ZC3H12D: variants seen among roughly 807,000 people sequenced by gnomAD.
ZC3H12D encodes zinc finger CCCH-type containing 12D, also known as probable ribonuclease ZC3H12D.
A neutral mutation model predicts 24.2 loss-of-function variants in ZC3H12D; 11 were observed. The ratio of observed to expected loss-of-function variants is 0.46; its 90% CI spans 0.29 to 0.75. ZC3H12D has a LOEUF of 0.75. Ranked by LOEUF, ZC3H12D falls within the 30% of genes least tolerant of loss-of-function variation. The pLI is 0.11. For missense variants in ZC3H12D, 740 were observed against 767.7 expected (o/e 0.96, Z 0.43); for synonymous variants, 333 against 341.8 (o/e 0.97, Z 0.28).
rs553383951 is a variant in ZC3H12D, at chr6:149,449,064, A to G, written c.*1619T>C. The G allele has an allele frequency of 1.3e-5, 2 of 152,378 alleles. No individual in the cohort carries two copies. The highest frequency in any genetic ancestry group is 2.9e-5 in the Non-Finnish European group (2 of 68,060). 9.4% of individuals were successfully genotyped at this position (152,378 alleles called of 1,614,324 possible). On this transcript the variant is annotated 3_prime_UTR_variant, in exon 6 of 6. Coordinates refer to ENST00000409806, the MANE Select transcript of ZC3H12D (RefSeq NM_207360.3). ...GTAACCAGAATGGGTGGATGCTGCC[A>G]GGAGAGGCCAGGGCCCCTGAGGATT...
Position 149,482,594 on chromosome 6 carries a change from G to C in ZC3H12D, c.-71+2219C>G, listed in dbSNP as rs1196096921. 3.3e-5 allele frequency among the ~76,000 whole-genome samples: 5 copies of C among 152,300 alleles called. No homozygotes were observed. The East Asian group carries it at 7.7e-4, about 24-fold the overall frequency. On this transcript the variant is annotated intron_variant, in intron 1 of 5. Transcript: ENST00000409806. ...AGGAAGGGAGGGGGCCCCACGGCTGGAACAGATCAGATCTGTCCATTCTAG... is the reference window on the plus strand; with the variant it reads ...AGGAAGGGAGGGGGCCCCACGGCTGCAACAGATCAGATCTGTCCATTCTAG...
intron 4 of ZC3H12D, among the ~76,000 whole-genome samples, chr6:149,453,298 T>TAAA (rs59885086): frequency 6.8e-5 from 10 of 146,582 alleles, no homozygotes; most frequent in African/African-American, 2.5e-4. Context: ...AGATCCTGGC[T>TAAA]AAAAAAAAAA....
At chr6:149,459,704 A>G in intron 3 of ZC3H12D, 1 of 717,770 alleles carries the variant, frequency 1.4e-6, no homozygotes, top group Non-Finnish European at 2.6e-6. Context: ...AGCTACAACT[A>G]GGAAGGAAGA....
intron 1 of ZC3H12D, among the ~76,000 whole-genome samples, chr6:149,481,093 C>A (rs201338766): frequency 2.0e-5 from 3 of 151,420 alleles, no homozygotes; most frequent in Admixed American, 2.0e-4. Context: ...TCACTGAGCC[C>A]AAAGGCTTCC....
At chr6:149,463,631 C>A (rs941852715) in intron 2 of ZC3H12D, among the ~76,000 whole-genome samples, 7 of 152,180 alleles carry the variant, frequency 4.6e-5, no homozygotes, top group Non-Finnish European at 1.0e-4. Context: ...ATTGCTCGAA[C>A]CTGGGAGGCG....
intron 2 of ZC3H12D, among the ~76,000 whole-genome samples, chr6:149,465,605 T>A (rs114609238): frequency 0.024 from 3,622 of 151,126 alleles, 155 homozygotes; most frequent in African/African-American, 0.084. Context: ...ATACAAAAAA[T>A]TTAGCTAGGT....
chr6:149,468,639 C>G (rs942648610), intron 2 of ZC3H12D, among the ~76,000 whole-genome samples: 3 of 152,164 alleles, frequency 2.0e-5, no homozygotes, highest in South Asian at 2.1e-4. Flanking sequence ...ACCAGGAGAT[C>G]TCTCCCCAGC....
intron 3 of ZC3H12D, among the ~76,000 whole-genome samples, chr6:149,457,537 C>T (rs111730293): frequency 0.011 from 1,704 of 152,324 alleles, 12 homozygotes; most frequent in Non-Finnish European, 0.018. Context: ...GTACTTCACC[C>T]CGGTTGAATG....
chr6:149,467,250 A>T (rs1266586205), intron 2 of ZC3H12D, among the ~76,000 whole-genome samples: 2 of 151,156 alleles, frequency 1.3e-5, no homozygotes, highest in Non-Finnish European at 2.9e-5. Flanking sequence ...TGCTTCTTGG[A>T]GCTCTTTTTT....
intron 3 of ZC3H12D, chr6:149,459,594 T>G: frequency 1.4e-6 from 1 of 695,092 alleles, no homozygotes; most frequent in East Asian, 2.7e-5. Flanking sequence ...TCGGGCAAAA[T>G]CGGGATGACT....
chr6:149,481,971 T>G (rs1776432775), intron 1 of ZC3H12D, among the ~76,000 whole-genome samples: 1 of 152,194 alleles, frequency 6.6e-6, no homozygotes, highest in African/African-American at 2.4e-5. Flanking sequence ...GACAGAAACA[T>G]GAGCGTTTCC....
chr6:149,457,756 G>A (rs440613), intron 3 of ZC3H12D, among the ~76,000 whole-genome samples: 55,269 of 151,836 alleles, frequency 0.36, 10,579 homozygotes, highest in African/African-American at 0.46. Context: ...GTTTGATCTG[G>A]ATTTTGCCTT....
intron 5 of ZC3H12D, among the ~76,000 whole-genome samples, chr6:149,451,894 G>A (rs926740880): frequency 3.3e-5 from 5 of 152,340 alleles, no homozygotes; most frequent in South Asian, 4.1e-4. Flanking sequence ...CGGGGCAGAG[G>A]ACTGCGCCTG....
Position 149,450,414 on chromosome 6 carries a change from ACCC to A in ZC3H12D, c.*266_*268del. The A allele has an allele frequency of 2.2e-6, 1 of 449,612 alleles. No homozygotes were observed. The allele number at this position is 449,612 out of a possible 1,614,324, so 27.9% of individuals were successfully genotyped here. On this transcript the variant is annotated 3_prime_UTR_variant, in exon 6 of 6. Transcript: ENST00000409806. ...ACTTGTGGGTTCTACTGCAGCTTGG[ACCC>A]GCAGTCTCCGTGCACATGGAAAATC...
At chr6:149,471,785 A>G (rs950299934) in intron 2 of ZC3H12D, among the ~76,000 whole-genome samples, 1 of 152,248 alleles carries the variant, frequency 6.6e-6, no homozygotes, top group Non-Finnish European at 1.5e-5. Context: ...AGCCAGGAAC[A>G]GGCACACTGA....
chr6:149,480,019 G>A (rs1046210714), intron 1 of ZC3H12D, among the ~76,000 whole-genome samples: 4 of 151,704 alleles, frequency 2.6e-5, no homozygotes, highest in Admixed American at 6.6e-5. Context: ...TCTACTTCCC[G>A]GACATTTTCC....
rs1775993775 is a variant in ZC3H12D at position 149,456,925 on chromosome 6, G to C, written c.446-25C>G. 3 of 1,584,920 alleles carry C rather than the reference G, an allele frequency of 1.9e-6. No homozygotes were observed. Among genetic ancestry groups the C allele is most frequent in the African/African-American group, 2.7e-5 (2 of 74,632 alleles). Reference sequence around the variant, plus strand: ...TCTGAGGGCGGGGCGACGGAGACGCGGGTGAGGGCCCAAGGGCACCGCCCC... The same window carrying C: ...TCTGAGGGCGGGGCGACGGAGACGCCGGTGAGGGCCCAAGGGCACCGCCCC... On this transcript the variant is annotated intron_variant, in intron 3 of 5. Transcript: ENST00000409806. This position sits in a 1 kb window ranked among gnomAD's most constrained non-coding sequence, Gnocchi z 4.3.
Position 149,453,849 on chromosome 6 carries a change from A to G in ZC3H12D, c.681-1127T>C, listed in dbSNP as rs143686650. Among the ~76,000 whole-genome samples the G allele has an allele frequency of 1.3e-3, 201 of 152,306 alleles. 1 individual carries two copies. The highest frequency in any genetic ancestry group is 4.7e-3 in the African/African-American group (195 of 41,578). On this transcript the variant is annotated intron_variant, in intron 4 of 5. Transcript: ENST00000409806. ...GGAGTCCAGGAGTCCAGCCTGGGCA[A>G]CAGAGCTAGACTCTATCATCTCTAA...
intron 1 of ZC3H12D, among the ~76,000 whole-genome samples, chr6:149,481,782 A>C (rs545558298): frequency 6.6e-6 from 1 of 152,304 alleles, no homozygotes; most frequent in South Asian, 2.1e-4. Flanking sequence ...CGGAAAGTAA[A>C]GGCTGCATGG....
Sources: gnomAD v4.1 joint callset for allele counts (sites outside exome capture counted in the v4.1 genomes callset) on GRCh38, gnomAD v4.1.1 for gene constraint, Gnocchi (gnomAD v3.1) non-coding constraint, MANE v1.5 for transcripts, NCBI Gene and HGNC (gene_info 2026-07-23, HGNC 2026-07-21) for gene names.